FOCAD: variants seen among roughly 807,000 people sequenced by gnomAD.
The protein encoded by FOCAD is focadhesin, also known as KIAA1797.
Under a neutral mutation model 225.6 loss-of-function variants are expected in FOCAD, and 198 were observed. That is an observed-to-expected ratio of 0.88 (90% CI 0.78 to 0.99). The LOEUF is 0.99. Among genes scored for constraint, FOCAD ranks in the 50% least tolerant of loss-of-function variants. FOCAD has a pLI of 0.00. For synonymous variants in FOCAD, 897 were observed against 755.0 expected, an observed-to-expected ratio of 1.19 and a Z score of -3.08; for missense variants, 2,713 against 2,123.6, an observed-to-expected ratio of 1.28 and a Z score of -5.46.
intron 21 of FOCAD, among the ~76,000 whole-genome samples, chr9:20,899,328 T>C (rs1832371514): frequency 6.6e-6 from 1 of 151,892 alleles, no homozygotes; most frequent in Non-Finnish European, 1.5e-5. Flanking sequence ...ATTCTCAGAC[T>C]TGTCCATTCT....
intron 32 of FOCAD, 26 bp downstream of exon 32, chr9:20,948,954 A>G (rs756174654): frequency 6.2e-7 from 1 of 1,600,562 alleles, no homozygotes; most frequent in Non-Finnish European, 8.6e-7. Flanking sequence ...ATGGAGGGGA[A>G]GACATCTAAA....
At chr9:20,727,062 C>G (rs1826255770) in intron 4 of FOCAD, among the ~76,000 whole-genome samples, 1 of 152,136 alleles carries the variant, frequency 6.6e-6, no homozygotes, top group Non-Finnish European at 1.5e-5. Context: ...GCTTATTTAA[C>G]TTTTAGTAGA....
intron 15 of FOCAD, among the ~76,000 whole-genome samples, chr9:20,855,083 G>A (rs1280688745): frequency 3.3e-5 from 5 of 151,576 alleles, no homozygotes; most frequent in African/African-American, 1.2e-4. Context: ...AAGAATGCAA[G>A]CATTAAACCA....
At chr9:20,664,755 A>C (rs1821846021) in intron 2 of FOCAD, among the ~76,000 whole-genome samples, 1 of 151,614 alleles carries the variant, frequency 6.6e-6, no homozygotes, top group South Asian at 2.1e-4. Flanking sequence ...CTGGGATTAC[A>C]GGCGTGAGCC....
chr9:20,697,179 A>G (rs756620140), intron 1 of FOCAD, among the ~76,000 whole-genome samples: 1 of 152,162 alleles, frequency 6.6e-6, no homozygotes, highest in African/African-American at 2.4e-5. Context: ...ACCTCTTCCC[A>G]CTATCTCTAC....
At chr9:20,773,698 G>T (rs1000926107) in intron 8 of FOCAD, among the ~76,000 whole-genome samples, 1 of 152,124 alleles carries the variant, frequency 6.6e-6, no homozygotes, top group Non-Finnish European at 1.5e-5. Context: ...ATGTTTTGGG[G>T]TATGTGTGTG....
chr9:20,812,148 A>T (rs1419534703), intron 11 of FOCAD, among the ~76,000 whole-genome samples: 1 of 152,092 alleles, frequency 6.6e-6, no homozygotes, highest in Non-Finnish European at 1.5e-5. Flanking sequence ...TTTATAAAAC[A>T]TGACTCTGAA....
intron 41 of FOCAD, among the ~76,000 whole-genome samples, chr9:20,989,567 C>T (rs1431107156): frequency 6.6e-6 from 1 of 151,944 alleles, no homozygotes; most frequent in Non-Finnish European, 1.5e-5. Context: ...GTCTATAGTC[C>T]CAGCCACTTG....
At chr9:20,750,781 C>CT (rs538723498) in intron 5 of FOCAD, among the ~76,000 whole-genome samples, 11 of 151,852 alleles carry the variant, frequency 7.2e-5, no homozygotes, top group South Asian at 2.1e-4. Flanking sequence ...AATAGAAGTC[C>CT]TTTTTTTTGA....
Position 20,760,139 on chromosome 9 carries a change from G to A in FOCAD, c.494+1948G>A, listed in dbSNP as rs144956734. Among the ~76,000 whole-genome samples, 76 of 152,276 alleles carry A rather than the reference G, an allele frequency of 5.0e-4. No homozygotes were observed. In the Middle Eastern group the frequency reaches 0.01, roughly 21 times the overall value. ...AAATCCAGTCTCTAAACATCCCTCA[G>A]AAGGATATATCAAGAGAGCAGATCT... On this transcript the variant is annotated intron_variant, in intron 6 of 43. Transcript: ENST00000338382.
At chr9:20,695,077 G>C (rs1169816484) in intron 1 of FOCAD, among the ~76,000 whole-genome samples, 1 of 152,160 alleles carries the variant, frequency 6.6e-6, no homozygotes, top group Non-Finnish European at 1.5e-5. Context: ...CCAGATTCTG[G>C]ACTTGATCTA....
intron 15 of FOCAD, among the ~76,000 whole-genome samples, chr9:20,850,189 G>A (rs983175098): frequency 3.6e-4 from 55 of 151,514 alleles, no homozygotes; most frequent in African/African-American, 4.8e-5. Context: ...TGTTATAGAG[G>A]CATATGAGAG....
At chr9:20,993,379 G>C in intron 43 of FOCAD, 51 bp downstream of exon 43, 2 of 1,463,102 alleles carry the variant, frequency 1.4e-6, no homozygotes, top group Non-Finnish European at 1.9e-6. Flanking sequence ...CATTATTGTT[G>C]TCTGTGGAGC....
intron 21 of FOCAD, among the ~76,000 whole-genome samples, chr9:20,903,307 T>C (rs926069722): frequency 2.6e-5 from 4 of 151,930 alleles, no homozygotes; most frequent in Non-Finnish European, 5.9e-5. Flanking sequence ...AAAAATTACA[T>C]AGTTAAATGT....
intron 2 of FOCAD, among the ~76,000 whole-genome samples, chr9:20,671,710 C>T (rs1822068867): frequency 6.6e-6 from 1 of 152,006 alleles, no homozygotes; most frequent in Non-Finnish European, 1.5e-5. Flanking sequence ...ATGCTCCTGG[C>T]AGGCAAAAAA....
intron 14 of FOCAD, among the ~76,000 whole-genome samples, 153 bp from the exon 15 acceptor site, chr9:20,822,836 T>C (rs1824471409): frequency 6.6e-6 from 1 of 151,898 alleles, no homozygotes. Context: ...ATGCACATTT[T>C]TGAAGAAAAA....
At chr9:20,705,166 G>C (rs1824282287) in intron 1 of FOCAD, among the ~76,000 whole-genome samples, 1 of 152,138 alleles carries the variant, frequency 6.6e-6, no homozygotes, top group Non-Finnish European at 1.5e-5. Flanking sequence ...CCCCTAGTAA[G>C]AGCCACATAC....
rs1587447724 is a variant in FOCAD at position 20,866,917 on chromosome 9, T to TTTTAAA, written c.2107-12_2107-11insTTTAAA. On this transcript the variant is annotated splice_polypyrimidine_tract_variant and intron_variant, in intron 17 of 43. Transcript: ENST00000338382. Reference sequence around the variant, plus strand: ...TTTTTTTTTTTTTTTTTTTTTTTTTTACCCTATCTAGGACCCAATTGTAGC... The same window carrying TTTTAAA: ...TTTTTTTTTTTTTTTTTTTTTTTTTTTTTAAAACCCTATCTAGGACCCAATTGTAGC... 8 of 764,964 alleles carry TTTTAAA rather than the reference T, an allele frequency of 1.0e-5. No individual in the cohort carries two copies. The highest frequency in any genetic ancestry group is 2.9e-5 in the Admixed American group (1 of 33,950). The allele number at this position is 764,964 out of a possible 1,614,324, so 47.4% of individuals were successfully genotyped here. A position where few individuals can be genotyped will look rare whatever the true frequency, so the allele number is the denominator to read the frequency against.
In FOCAD at chr9:20,862,578, GT is replaced by G; in HGVS notation, c.1923del (p.Val642PhefsTer14). On this transcript the variant is annotated frameshift_variant and splice_region_variant, in exon 16 of 44. Transcript: ENST00000338382. LOFTEE classifies it high-confidence loss of function. ...QGLHALCQAE[V>X]VCIRSTWNAL... ...TTGACCTTTTCTATTTGCTTCACAG[GT>G]TGTTTGCATTCGCTCCACTTGGAAT... 6.2e-7 allele frequency: 1 copy of G among 1,612,700 alleles called. No individual in the cohort carries two copies. The highest frequency in any genetic ancestry group is 1.1e-5 in the South Asian group (1 of 90,832).
Sources: allele counts gnomAD v4.1 joint callset (sites outside exome capture counted in the v4.1 genomes callset), GRCh38; gene constraint gnomAD v4.1.1; transcripts MANE v1.5; gene names NCBI Gene and HGNC (gene_info 2026-07-23, HGNC 2026-07-21).